The following ATXN1 variants were observed in gnomAD, a reference collection of about 807,000 sequenced individuals.
The protein encoded by ATXN1 is ataxin 1.
Under a neutral mutation model 56.4 loss-of-function variants are expected in ATXN1, and 8 were observed. That is an observed-to-expected ratio of 0.14 (90% CI 0.08 to 0.26). The LOEUF (loss-of-function observed/expected upper bound fraction) is 0.26, where lower values mean the gene tolerates loss of function less well. Ranked by LOEUF, ATXN1 falls within the 10% of genes least tolerant of loss-of-function variation. The pLI is 1.00. For missense variants in ATXN1, 987 were observed against 1,106.5 expected (o/e 0.89, Z 1.53); for synonymous variants, 514 against 494.6 (o/e 1.04, Z -0.52).
At chr6:16,453,702 A>G (rs140363104) in intron 6 of ATXN1, among the ~76,000 whole-genome samples, 1 of 152,226 alleles carries the variant, frequency 6.6e-6, no homozygotes, top group Non-Finnish European at 1.5e-5. Flanking sequence ...CAGGTTGTGC[A>G]TATGTCACTT....
At chr6:16,597,561 C>A (rs1246971376) in intron 3 of ATXN1, among the ~76,000 whole-genome samples, 2 of 152,112 alleles carry the variant, frequency 1.3e-5, no homozygotes, top group East Asian at 3.9e-4. Context: ...GCCTCTGCCT[C>A]CCCAGTAGCT....
At chr6:16,694,623 T>A (rs1256562163) in intron 2 of ATXN1, among the ~76,000 whole-genome samples, 1 of 152,232 alleles carries the variant, frequency 6.6e-6, no homozygotes, top group Non-Finnish European at 1.5e-5. Flanking sequence ...TCTTTTCCGA[T>A]TAGAAACTGG....
At chr6:16,400,715 T>C (rs1758549271) in intron 6 of ATXN1, among the ~76,000 whole-genome samples, 1 of 152,208 alleles carries the variant, frequency 6.6e-6, no homozygotes, top group Non-Finnish European at 1.5e-5. Flanking sequence ...AAGATTACCA[T>C]ATTGTCCTTG....
chr6:16,689,283 T>C (rs1246318302), intron 2 of ATXN1, among the ~76,000 whole-genome samples: 9 of 152,068 alleles, frequency 5.9e-5, no homozygotes, highest in Non-Finnish European at 1.3e-4. Flanking sequence ...AAGATGGCTT[T>C]TTATAATTTA....
intron 6 of ATXN1, among the ~76,000 whole-genome samples, chr6:16,337,283 C>A (rs1244247395): frequency 6.6e-6 from 1 of 152,234 alleles, no homozygotes; most frequent in Admixed American, 6.5e-5. Flanking sequence ...GTGAGCTCTG[C>A]CACCCCTGGA....
At chr6:16,487,396 T>TA (rs1760571300) in intron 5 of ATXN1, among the ~76,000 whole-genome samples, 1 of 152,124 alleles carries the variant, frequency 6.6e-6, no homozygotes, top group Admixed American at 6.6e-5. Flanking sequence ...TAACAAATCT[T>TA]AGATTTGGAA....
rs1353893090 is a variant in ATXN1, at chr6:16,610,157, G to A, written c.-488-24250C>T. 2.6e-5 allele frequency among the ~76,000 whole-genome samples: 4 copies of A among 152,118 alleles called. No individual in the cohort carries two copies. The South Asian group carries it at 8.3e-4, about 32-fold the overall frequency. The stretch of plus-strand genomic sequence containing the variant: ...AGACAAAGTAGGAAGCCAACATAGA[G>A]ATAGCATGATTGATGCATAGTCAAA... On this transcript the variant is annotated intron_variant, in intron 3 of 7. Coordinates refer to ENST00000436367, the MANE Select transcript of ATXN1 (RefSeq NM_001128164.2).
intron 3 of ATXN1, among the ~76,000 whole-genome samples, chr6:16,606,086 G>A (rs547220171): frequency 1.7e-4 from 26 of 152,142 alleles, no homozygotes; most frequent in African/African-American, 4.3e-4. Context: ...GTACAATCAC[G>A]CCACTGCACT....
chr6:16,480,177 A>AT (rs1760408040), intron 6 of ATXN1, among the ~76,000 whole-genome samples: 1 of 150,592 alleles, frequency 6.6e-6, no homozygotes, highest in Non-Finnish European at 1.5e-5. Context: ...AAAAAAAAAA[A>AT]TATCTAAAAT....
chr6:16,558,438 G>A (rs1378511202), intron 4 of ATXN1, among the ~76,000 whole-genome samples: 6 of 151,852 alleles, frequency 4.0e-5, no homozygotes, highest in African/African-American at 1.5e-4. Flanking sequence ...GTAGTAGCAC[G>A]ACCATAACTC....
chr6:16,461,250 C>T (rs912839145), intron 6 of ATXN1, among the ~76,000 whole-genome samples: 1 of 152,164 alleles, frequency 6.6e-6, no homozygotes, highest in Non-Finnish European at 1.5e-5. Flanking sequence ...GGGACTTTCA[C>T]GGGGGCATAG....
At chr6:16,537,837 T>C (rs1761634935) in intron 4 of ATXN1, among the ~76,000 whole-genome samples, 1 of 152,152 alleles carries the variant, frequency 6.6e-6, no homozygotes, top group Admixed American at 6.5e-5. Flanking sequence ...GTGCGGTGGC[T>C]CACACCTGTA....
intron 4 of ATXN1, among the ~76,000 whole-genome samples, chr6:16,544,954 T>G (rs577774004): frequency 1.3e-5 from 2 of 152,152 alleles, no homozygotes; most frequent in African/African-American, 4.8e-5. Context: ...CCTTCCTTAA[T>G]AGATGATCAC....
chr6:16,729,620 T>A (rs1300508166), intron 2 of ATXN1, among the ~76,000 whole-genome samples: 1 of 152,196 alleles, frequency 6.6e-6, no homozygotes, highest in African/African-American at 2.4e-5. Flanking sequence ...TAGCACCATG[T>A]TGCAATCCAG....
Position 16,327,137 on chromosome 6 carries a change from C to A in ATXN1, c.1174G>T (p.Ala392Ser), listed in dbSNP as rs754557008. ...VMVLPNSNTP[A>S]ADLEVQQATH... is the part of the protein sequence containing the mutation. ...GCCTGTTGCACCTCCAGGTCAGCTG[C>A]GGGCGTGTTGCTGTTGGGCAGGACC... Residue 392 changes from alanine (A) to serine (S), a missense_variant, in exon 7 of 8, where the codon GCA becomes TCA. Transcript: ENST00000436367. 6.2e-7 allele frequency: 1 copy of A among 1,613,558 alleles called. No individual in the cohort carries two copies. Among genetic ancestry groups the A allele is most frequent in the Non-Finnish European group, 8.5e-7 (1 of 1,180,028 alleles).
chr6:16,382,587 A>G (rs1482442844), intron 6 of ATXN1, among the ~76,000 whole-genome samples: 2 of 152,134 alleles, frequency 1.3e-5, no homozygotes, highest in African/African-American at 4.8e-5. Context: ...TATTTAAACT[A>G]TTTTTTTAAA....
rs189713533 is a variant in ATXN1 at position 16,456,228 on chromosome 6, G to A, written c.-161+29744C>T. Among the ~76,000 whole-genome samples, 32 of 152,206 alleles carry A rather than the reference G, an allele frequency of 2.1e-4. No individual in the cohort carries two copies. In the East Asian group the frequency reaches 3.1e-3, roughly 15 times the overall value. On this transcript the variant is annotated intron_variant, in intron 6 of 7. Coordinates refer to ENST00000436367, the MANE Select transcript of ATXN1 (RefSeq NM_001128164.2). ...AAGTCAGCGAGACCATGAATCCACCGGCTGGAACCAACTCTGGACACATCT... is the reference window on the plus strand; with the variant it reads ...AAGTCAGCGAGACCATGAATCCACCAGCTGGAACCAACTCTGGACACATCT...
intron 4 of ATXN1, among the ~76,000 whole-genome samples, chr6:16,581,782 T>C (rs1363785757): frequency 6.6e-6 from 1 of 152,168 alleles, no homozygotes; most frequent in Admixed American, 6.5e-5. Context: ...ATATGGTTAA[T>C]AAGAGAACAA....
intron 6 of ATXN1, among the ~76,000 whole-genome samples, chr6:16,343,253 G>A (rs1380801009): frequency 3.3e-5 from 5 of 152,156 alleles, no homozygotes; most frequent in Non-Finnish European, 5.9e-5. Flanking sequence ...GCTGAGACAG[G>A]AGAATGGCGT....
Sources: allele counts gnomAD v4.1 joint callset (sites outside exome capture counted in the v4.1 genomes callset), GRCh38; gene constraint gnomAD v4.1.1; transcripts MANE v1.5; gene names NCBI Gene and HGNC (gene_info 2026-07-23, HGNC 2026-07-21).